The following TMEM120B variants were observed in gnomAD, a reference collection of about 807,000 sequenced individuals.
The protein encoded by TMEM120B is transmembrane protein 120B.
TMEM120B carries 31 observed loss-of-function variants against 55.5 expected under a neutral mutation model. The ratio of observed to expected loss-of-function variants is 0.56; its 90% CI spans 0.42 to 0.75. The LOEUF (loss-of-function observed/expected upper bound fraction) is 0.75. Among genes scored for constraint, TMEM120B ranks in the 30% least tolerant of loss-of-function variants. The probability of loss-of-function intolerance (pLI) is 0.00; values close to 1 mark genes in which losing one functional copy is unlikely to be tolerated. For missense variants in TMEM120B, 399 were observed against 425.5 expected (o/e 0.94, Z 0.55); for synonymous variants, 203 against 176.3 (o/e 1.15, Z -1.20).
intron 1 of TMEM120B, among the ~76,000 whole-genome samples, chr12:121,724,106 C>T (rs1199947118): frequency 7.5e-6 from 1 of 134,162 alleles, no homozygotes; most frequent in Non-Finnish European, 1.5e-5. Context: ...GGCACGATCT[C>T]CACTCACTGC....
chr12:121,773,428 C>G lies in TMEM120B; in HGVS notation c.687C>G (p.Val229=). The change falls in exon 9 of 12, where the codon GTC becomes GTG. Residue 229 remains valine (V), a synonymous_variant. Transcript: ENST00000449592. ...GCTGTGCTCCCCCTGCAGGCTGCGT[C>G]CAGTTCCTGCAATATTATTACCAGA... The part of the protein sequence containing the change: ...FLAFSIFQSC[V]QFLQYYYQRG... 6.2e-7 allele frequency: 1 copy of G among 1,611,040 alleles called. No homozygotes were observed. Among genetic ancestry groups the G allele is most frequent in the Non-Finnish European group, 8.5e-7 (1 of 1,178,624 alleles).
chr12:121,748,761 C>A (rs924485141), intron 3 of TMEM120B, among the ~76,000 whole-genome samples: 1 of 152,196 alleles, frequency 6.6e-6, no homozygotes, highest in African/African-American at 2.4e-5. Context: ...GCCTCCTGCA[C>A]GCTCAGAGCT....
intron 1 of TMEM120B, among the ~76,000 whole-genome samples, chr12:121,715,094 T>C (rs1180123744): frequency 6.6e-6 from 1 of 152,066 alleles, no homozygotes; most frequent in Non-Finnish European, 1.5e-5. Flanking sequence ...TTCCAGAACT[T>C]TGGGAGACCG....
At chr12:121,770,443 T>C (rs906908585) in intron 6 of TMEM120B, among the ~76,000 whole-genome samples, 4 of 152,096 alleles carry the variant, frequency 2.6e-5, no homozygotes, top group Non-Finnish European at 4.4e-5. Context: ...AGTGCAGGAA[T>C]TGGAGCCACT....
At chr12:121,727,596 C>T (rs1005554118) in intron 1 of TMEM120B, among the ~76,000 whole-genome samples, 2 of 149,560 alleles carry the variant, frequency 1.3e-5, no homozygotes, top group South Asian at 2.1e-4. Context: ...AACATTGGCC[C>T]GGTGCGGTGG....
At chr12:121,751,076 TCACACCCCACACCTACACCCCACACC>T (rs1381914052) in intron 4 of TMEM120B, among the ~76,000 whole-genome samples, 1 of 30,912 alleles carries the variant, frequency 3.2e-5, no homozygotes, top group Non-Finnish European at 6.0e-5. Flanking sequence ...CACTCCACAC[TCACACCCCACACCTACACCCCACACC>T]CACACCCCAA....
chr12:121,771,431 A>G, intron 7 of TMEM120B, 57 bp from the exon 8 acceptor site: 1 of 1,446,360 alleles, frequency 6.9e-7, no homozygotes, highest in South Asian at 1.1e-5. Flanking sequence ...TGGGGCGGGG[A>G]GGAATGTCTC....
At position 121,777,829 on chromosome 12, in the gene TMEM120B, C is replaced by G; in HGVS notation, c.*2107C>G. Reference sequence around the variant, plus strand: ...TGGCCCACAGGCTGTAGTTGTTGGACCTCTACCGTAGACCATCATGAGGCC... The same window carrying G: ...TGGCCCACAGGCTGTAGTTGTTGGAGCTCTACCGTAGACCATCATGAGGCC... On this transcript the variant is annotated 3_prime_UTR_variant, in exon 12 of 12. Coordinates refer to ENST00000449592, the MANE Select transcript of TMEM120B (RefSeq NM_001080825.2). The G allele has an allele frequency of 6.6e-6, 1 of 152,212 alleles. No homozygotes were observed. Among genetic ancestry groups the G allele is most frequent in the Non-Finnish European group, 1.5e-5 (1 of 68,058 alleles). 9.4% of individuals were successfully genotyped at this position (152,212 alleles called of 1,614,324 possible). A position where few individuals can be genotyped will look rare whatever the true frequency, so the allele number is the denominator to read the frequency against.
At chr12:121,734,118 G>A (rs1895058121) in intron 1 of TMEM120B, among the ~76,000 whole-genome samples, 1 of 152,052 alleles carries the variant, frequency 6.6e-6, no homozygotes, top group South Asian at 2.1e-4. Flanking sequence ...TGATGCTCGT[G>A]GATTCTGTGG....
chr12:121,772,302 T>C (rs1874091598), intron 8 of TMEM120B, among the ~76,000 whole-genome samples: 1 of 151,836 alleles, frequency 6.6e-6, no homozygotes, highest in Non-Finnish European at 1.5e-5. Flanking sequence ...CTAATTTTTT[T>C]TATTTTTAAT....
At chr12:121,774,607 G>A (rs776823406) in intron 9 of TMEM120B, 51 bp from the exon 10 acceptor site, 1 of 1,584,882 alleles carries the variant, frequency 6.3e-7, no homozygotes, top group Non-Finnish European at 8.6e-7. Context: ...GTGGAGCTGT[G>A]GGGGCAGCGG....
In TMEM120B at chr12:121,748,400, A is replaced by G. The variant is rs1592936910; in HGVS notation, c.263A>G (p.Asp88Gly). The G allele has an allele frequency of 6.2e-7, 1 of 1,610,908 alleles. No homozygotes were observed. Among genetic ancestry groups the G allele is most frequent in the South Asian group, 1.1e-5 (1 of 91,020 alleles). ...GCAGCGAACATCAAGGAGCGGCAGGACGTCTTCTTCGACATGGAGGCCTAC... is the reference window on the plus strand; with the variant it reads ...GCAGCGAACATCAAGGAGCGGCAGGGCGTCTTCTTCGACATGGAGGCCTAC... ...QMAANIKERQDVFFDMEAYLP... is the reference protein window; with the variant it reads ...QMAANIKERQGVFFDMEAYLP... Residue 88 changes from aspartate (D) to glycine (G), a missense_variant, in exon 3 of 12, where the codon GAC becomes GGC. This residue lies in a region of TMEM120B where 133 missense variants were observed against 104.1 expected (regional missense o/e 1.28). Transcript: ENST00000449592.
At chr12:121,759,225 C>G (rs902426190) in intron 5 of TMEM120B, among the ~76,000 whole-genome samples, 1 of 146,622 alleles carries the variant, frequency 6.8e-6, no homozygotes, top group African/African-American at 2.6e-5. Flanking sequence ...GTCTCCTGTT[C>G]TTAAAGTTCT....
At position 121,780,319 on chromosome 12, in the gene TMEM120B, A is replaced by G. The variant is rs1370081040; in HGVS notation, c.*4597A>G. 1.3e-5 allele frequency: 2 copies of G among 159,208 alleles called. No individual in the cohort carries two copies. Among genetic ancestry groups the G allele is most frequent in the African/African-American group, 4.8e-5 (2 of 41,586 alleles). 9.9% of individuals were successfully genotyped at this position (159,208 alleles called of 1,614,324 possible). A position where few individuals can be genotyped will look rare whatever the true frequency, so the allele number is the denominator to read the frequency against. ...GTGATTCGCCCGCCTCGGCCTCCCA[A>G]AGTGCTGGGATTACAGGCGTGAGCC... On this transcript the variant is annotated 3_prime_UTR_variant, in exon 12 of 12. Coordinates refer to ENST00000449592, the MANE Select transcript of TMEM120B (RefSeq NM_001080825.2).
At chr12:121,751,480 A>G (rs1392777240) in intron 4 of TMEM120B, among the ~76,000 whole-genome samples, 1 of 149,322 alleles carries the variant, frequency 6.7e-6, no homozygotes, top group Non-Finnish European at 1.5e-5. Context: ...GGCCTCCGGC[A>G]TTCTGTTCCT....
At chr12:121,725,774 C>A (rs181426764) in intron 1 of TMEM120B, among the ~76,000 whole-genome samples, 1 of 152,140 alleles carries the variant, frequency 6.6e-6, no homozygotes, top group Non-Finnish European at 1.5e-5. Context: ...TGGTGCCTCA[C>A]GCCTGTAATC....
At chr12:121,771,170 G>C (rs1045371008) in intron 7 of TMEM120B, among the ~76,000 whole-genome samples, 198 bp downstream of exon 7, 3 of 152,182 alleles carry the variant, frequency 2.0e-5, no homozygotes, top group African/African-American at 7.2e-5. Context: ...GAATGGTTTC[G>C]GGTGTCCCTG....
chr12:121,749,176 T>C (rs564617905), intron 3 of TMEM120B, among the ~76,000 whole-genome samples: 1 of 152,332 alleles, frequency 6.6e-6, no homozygotes, highest in East Asian at 1.9e-4. Context: ...AGCCCTGTTA[T>C]ATTTTAACCC....
At chr12:121,750,309 G>C (rs1873235117) in intron 3 of TMEM120B, 71 bp from the exon 4 acceptor site, 5 of 1,419,350 alleles carry the variant, frequency 3.5e-6, no homozygotes. Context: ...CATTAAGTGT[G>C]TTGAGTTTGA....
Sources: gnomAD v4.1 joint callset for allele counts (sites outside exome capture counted in the v4.1 genomes callset) on GRCh38, gnomAD v4.1.1 for gene constraint, gnomAD v4.1.1 regional missense constraint, MANE v1.5 for transcripts, NCBI Gene and HGNC (gene_info 2026-07-23, HGNC 2026-07-21) for gene names.